The following CAMKK2 variants were observed in gnomAD, a reference collection of about 807,000 sequenced individuals.
CAMKK2 encodes the protein calcium/calmodulin dependent protein kinase kinase 2, also known as calcium/calmodulin-dependent protein kinase kinase 2.
A neutral mutation model predicts 67.2 loss-of-function variants in CAMKK2; 30 were observed. The ratio of observed to expected loss-of-function variants is 0.45; its 90% CI spans 0.33 to 0.61. The LOEUF (loss-of-function observed/expected upper bound fraction) is 0.61, where lower values mean the gene tolerates loss of function less well. Ranked by LOEUF, CAMKK2 falls within the 20% of genes least tolerant of loss-of-function variation. CAMKK2 has a pLI of 0.02. For missense variants in CAMKK2, 643 were observed against 802.0 expected (o/e 0.80, Z 2.39); for synonymous variants, 322 against 326.2 (o/e 0.99, Z 0.14).
chr12:121,237,981 C>G lies in CAMKK2; in HGVS notation c.*2718G>C, dbSNP rs1887816823. 6.6e-6 allele frequency: 1 copy of G among 152,634 alleles called. No individual in the cohort carries two copies. Among genetic ancestry groups the G allele is most frequent in the Non-Finnish European group, 1.5e-5 (1 of 68,060 alleles). The allele number at this position is 152,634 out of a possible 1,614,324, so 9.5% of individuals were successfully genotyped here. A position where few individuals can be genotyped will look rare whatever the true frequency, so the allele number is the denominator to read the frequency against. ...AGCGTACCCTGAAACTTCCCTAGCA[C>G]CTTGGAAGCAAGTGGAGGTCATGGT... On this transcript the variant is annotated 3_prime_UTR_variant, in exon 17 of 17. Transcript: ENST00000404169. This position sits in a 1 kb window ranked among gnomAD's most constrained non-coding sequence, Gnocchi z 4.5.
rs11332649 is a variant in CAMKK2 at position 121,271,273 on chromosome 12, C to CAAAAA, written c.472-333_472-329dup. On this transcript the variant is annotated intron_variant, in intron 2 of 16. Coordinates refer to ENST00000404169, the MANE Select transcript of CAMKK2 (RefSeq NM_001270485.2). ...TGGGCAAAAGAGTAAAACTGTGTCT[C>CAAAAA]AAAAAAAAAAAAAAAAAAGTTTGCA... is the stretch of plus-strand genomic sequence containing the variant. 7.0e-3 allele frequency among the ~76,000 whole-genome samples: 793 copies of CAAAAA among 112,874 alleles called. 9 individuals carry two copies. The highest frequency in any genetic ancestry group is 0.025 in the African/African-American group (758 of 29,812). The allele number at this position is 112,874 out of a possible 152,430, so 74.0% of individuals were successfully genotyped here.
intron 1 of CAMKK2, among the ~76,000 whole-genome samples, chr12:121,288,413 G>A (rs1451378781): frequency 6.6e-6 from 1 of 152,206 alleles, no homozygotes; most frequent in Non-Finnish European, 1.5e-5. Context: ...CAGGGAGCCA[G>A]CTCTGCAGCT....
intron 1 of CAMKK2, among the ~76,000 whole-genome samples, chr12:121,289,041 G>C (rs547916276): frequency 6.6e-6 from 1 of 151,830 alleles, no homozygotes; most frequent in African/African-American, 2.4e-5. Flanking sequence ...AGTTCCCCAG[G>C]GTATAGCCTG....
intron 1 of CAMKK2, among the ~76,000 whole-genome samples, chr12:121,294,082 G>A (rs1298475667): frequency 6.6e-6 from 1 of 151,916 alleles, no homozygotes; most frequent in Non-Finnish European, 1.5e-5. Context: ...ACAGGTGTGT[G>A]CCACCACGCC....
intron 6 of CAMKK2, among the ~76,000 whole-genome samples, chr12:121,261,603 C>T (rs1893469326): frequency 6.6e-6 from 1 of 152,234 alleles, no homozygotes; most frequent in Non-Finnish European, 1.5e-5. Flanking sequence ...CTGAGCCATG[C>T]CCTGTGGGGA....
In CAMKK2 at chr12:121,245,073, G is replaced by A. The variant is rs1370496330; in HGVS notation, c.1553+67C>T. ...GGAGGACCTGTGCAGAGTGGTCTGG[G>A]CAGGGCTGCCCCAAGCCTAGCCTCC... On this transcript the variant is annotated intron_variant, in intron 15 of 16. Transcript: ENST00000404169. This position sits in a 1 kb window ranked among gnomAD's most constrained non-coding sequence, Gnocchi z 5.8. 3.6e-6 allele frequency: 4 copies of A among 1,125,190 alleles called. No individual in the cohort carries two copies. In the African/African-American group the frequency reaches 4.6e-5, roughly 13 times the overall value. 69.7% of individuals were successfully genotyped at this position (1,125,190 alleles called of 1,614,324 possible).
At chr12:121,255,120 GCTC>G (rs1891608708) in intron 9 of CAMKK2, among the ~76,000 whole-genome samples, 1 of 141,170 alleles carries the variant, frequency 7.1e-6, no homozygotes, top group African/African-American at 2.7e-5. Context: ...GGCTCTCCTT[GCTC>G]CTCAAGCTTG....
In CAMKK2 at chr12:121,252,651, G is replaced by A. The variant is rs76535668; in HGVS notation, c.1161+10C>T. The A allele has an allele frequency of 1.6e-3, 2,524 of 1,613,652 alleles. 23 individuals are homozygous for A. In the African/African-American group the frequency reaches 0.026, roughly 17 times the overall value. On this transcript the variant is annotated intron_variant, in intron 11 of 16. Transcript: ENST00000404169. ...GCAGTACTGAGGGGACAGACACCCC[G>A]CCCTCTTACCTGGCCAAAGACAAAG...
At chr12:121,289,855 T>C (rs1450073335) in intron 1 of CAMKK2, among the ~76,000 whole-genome samples, 1 of 145,312 alleles carries the variant, frequency 6.9e-6, no homozygotes, top group Admixed American at 6.9e-5. Flanking sequence ...ATCATGCTAC[T>C]GCACTCCAGC....
At chr12:121,289,246 A>G (rs1899459977) in intron 1 of CAMKK2, among the ~76,000 whole-genome samples, 1 of 151,844 alleles carries the variant, frequency 6.6e-6, no homozygotes, top group South Asian at 2.1e-4. Context: ...AAAATGTTTC[A>G]TAATTGAAAA....
At chr12:121,247,244 C>T (rs556055280) in intron 14 of CAMKK2, among the ~76,000 whole-genome samples, 1 of 152,286 alleles carries the variant, frequency 6.6e-6, no homozygotes, top group South Asian at 2.1e-4. Flanking sequence ...CTCTACTGCA[C>T]TGTACATACA....
intron 6 of CAMKK2, among the ~76,000 whole-genome samples, chr12:121,262,550 A>C (rs1453059370): frequency 7.0e-6 from 1 of 142,574 alleles, no homozygotes; most frequent in Non-Finnish European, 1.5e-5. Context: ...AATACGCAAT[A>C]AGCTTATTGT....
chr12:121,246,268 G>C (rs956525568), intron 14 of CAMKK2, among the ~76,000 whole-genome samples: 2 of 151,280 alleles, frequency 1.3e-5, no homozygotes, highest in Non-Finnish European at 2.9e-5. Context: ...GGGGGGAGGC[G>C]GGCGTGGTGG....
chr12:121,244,473 G>C, intron 16 of CAMKK2, 100 bp downstream of exon 16: 2 of 1,152,956 alleles, frequency 1.7e-6, no homozygotes, highest in Non-Finnish European at 2.5e-6. Context: ...CAGGCTGGAA[G>C]GAGCATCTGC....
chr12:121,290,120 C>T lies in CAMKK2; in HGVS notation c.-60+6518G>A, dbSNP rs116801198. Among the ~76,000 whole-genome samples the T allele has an allele frequency of 5.5e-3, 835 of 152,260 alleles. 10 individuals are homozygous for T. The highest frequency in any genetic ancestry group is 0.019 in the African/African-American group (793 of 41,536). On this transcript the variant is annotated intron_variant, in intron 1 of 16. Coordinates refer to ENST00000404169, the MANE Select transcript of CAMKK2 (RefSeq NM_001270485.2). The stretch of plus-strand genomic sequence containing the variant: ...CAAGCTAATTGTTCCGCAAAGATCA[C>T]GTCCTCCCTTCCTTTCTGTACTCCG...
At chr12:121,283,240 G>A (rs559722123) in intron 1 of CAMKK2, among the ~76,000 whole-genome samples, 2 of 152,278 alleles carry the variant, frequency 1.3e-5, no homozygotes, top group African/African-American at 4.8e-5. Context: ...CCACGGAGGC[G>A]GTGCTGGAAT....
At position 121,257,396 on chromosome 12, in the gene CAMKK2, G is replaced by A. The variant is rs1892553604; in HGVS notation, c.797-1592C>T. Among the ~76,000 whole-genome samples, 3 of 152,100 alleles carry A rather than the reference G, an allele frequency of 2.0e-5. No individual in the cohort carries two copies. In the South Asian group the frequency reaches 6.2e-4, roughly 32 times the overall value. On this transcript the variant is annotated intron_variant, in intron 7 of 16. Coordinates refer to ENST00000404169, the MANE Select transcript of CAMKK2 (RefSeq NM_001270485.2). Reference sequence around the variant, plus strand: ...CGAGTAGCTGGGACTACAGGCACCTGCCACCACACCCGGCTAATTTTTTGT... The same window carrying A: ...CGAGTAGCTGGGACTACAGGCACCTACCACCACACCCGGCTAATTTTTTGT...
intron 14 of CAMKK2, 94 bp downstream of exon 14, chr12:121,248,512 C>T (rs982886698): frequency 2.7e-6 from 4 of 1,489,356 alleles, no homozygotes; most frequent in Admixed American, 1.8e-5. Context: ...GGACATCTGA[C>T]TCCCGGGCAC....
At chr12:121,246,236 C>T (rs1566036632) in intron 14 of CAMKK2, among the ~76,000 whole-genome samples, 1 of 119,040 alleles carries the variant, frequency 8.4e-6, no homozygotes, top group Non-Finnish European at 1.6e-5. Context: ...AATTCTACCT[C>T]AATTTAAAAG....
Sources: gnomAD v4.1 joint callset for allele counts (sites outside exome capture counted in the v4.1 genomes callset) on GRCh38, gnomAD v4.1.1 for gene constraint, Gnocchi (gnomAD v3.1) non-coding constraint, MANE v1.5 for transcripts, NCBI Gene and HGNC (gene_info 2026-07-23, HGNC 2026-07-21) for gene names.